The following NRXN1 variants were observed in gnomAD, a reference collection of about 807,000 sequenced individuals.
NRXN1 encodes the protein neurexin-1.
NRXN1 carries 39 observed loss-of-function variants against 150.9 expected under a neutral mutation model. The ratio of observed to expected loss-of-function variants is 0.26; its 90% CI spans 0.20 to 0.34. The LOEUF (loss-of-function observed/expected upper bound fraction) is 0.34. Ranked by LOEUF, NRXN1 falls within the 10% of genes least tolerant of loss-of-function variation. NRXN1 has a pLI of 1.00. For synonymous variants in NRXN1, 924 were observed against 757.0 expected, an observed-to-expected ratio of 1.22 and a Z score of -3.62; for missense variants, 1,815 against 1,949.9, an observed-to-expected ratio of 0.93 and a Z score of 1.30.
Position 50,260,539 on chromosome 2 carries a change from A to G in NRXN1, c.3365-23569T>C, listed in dbSNP as rs544505331. ...CTCAGAGGGAGAAAATGCAAGAGAC[A>G]CACAAAAGAACCATAATTCCTATTC... is the stretch of plus-strand genomic sequence containing the variant. On this transcript the variant is annotated intron_variant, in intron 17 of 22. Coordinates refer to ENST00000401669, the MANE Select transcript of NRXN1 (RefSeq NM_001330078.2). Among the ~76,000 whole-genome samples, 3 of 151,710 alleles carry G rather than the reference A, an allele frequency of 2.0e-5. No homozygotes were observed. The East Asian group carries it at 5.8e-4, about 29-fold the overall frequency.
At chr2:50,368,344 A>G (rs2079753443) in intron 17 of NRXN1, among the ~76,000 whole-genome samples, 1 of 152,014 alleles carries the variant, frequency 6.6e-6, no homozygotes, top group Admixed American at 6.6e-5. Context: ...ATCCTGTATG[A>G]AGAATTGAGA....
chr2:50,759,826 C>CTGTGTGTGTGTGTGTG (rs72209781), intron 5 of NRXN1, among the ~76,000 whole-genome samples: 1 of 142,312 alleles, frequency 7.0e-6, no homozygotes, highest in Non-Finnish European at 1.5e-5. Context: ...TCTAACTAAG[C>CTGTGTGTGTGTGTGTG]TGTGTGTGTG....
chr2:50,908,675 G>C (rs374878064), intron 5 of NRXN1, among the ~76,000 whole-genome samples: 4 of 152,044 alleles, frequency 2.6e-5, no homozygotes, highest in African/African-American at 9.7e-5. Flanking sequence ...AGTTGCTATG[G>C]TTTGAATGTG....
intron 18 of NRXN1, among the ~76,000 whole-genome samples, chr2:50,201,309 T>G (rs577263864): frequency 1.3e-5 from 2 of 152,282 alleles, no homozygotes; most frequent in South Asian, 4.1e-4. Context: ...GACTTGACAC[T>G]AAGACCTTAC....
chr2:50,092,861 A>G (rs1558862216), intron 18 of NRXN1, among the ~76,000 whole-genome samples: 3 of 151,946 alleles, frequency 2.0e-5, no homozygotes, highest in South Asian at 2.1e-4. Flanking sequence ...CATGCTTACA[A>G]TTTTTTTTGG....
At position 50,655,583 on chromosome 2, in the gene NRXN1, C is replaced by T. The variant is rs530214099; in HGVS notation, c.833-31968G>A. 9.8e-4 allele frequency among the ~76,000 whole-genome samples: 149 copies of T among 151,818 alleles called. 1 individual carries two copies. The highest frequency in any genetic ancestry group is 1.4e-3 in the Admixed American group (22 of 15,228). ...TCAGCGCTGTGGCTTAGTTTAAGAG[C>T]TACATCTGGCATTTTGGTAGGAACA... is the stretch of plus-strand genomic sequence containing the variant. On this transcript the variant is annotated intron_variant, in intron 5 of 22. Transcript: ENST00000401669.
intron 18 of NRXN1, among the ~76,000 whole-genome samples, chr2:50,116,206 C>A (rs935961652): frequency 6.6e-6 from 1 of 152,080 alleles, no homozygotes; most frequent in Middle Eastern, 3.4e-3. Flanking sequence ...TTATCTACAG[C>A]AATTGAAGTT....
intron 21 of NRXN1, among the ~76,000 whole-genome samples, chr2:50,027,312 T>G (rs1054179286): frequency 1.3e-5 from 2 of 148,284 alleles, no homozygotes; most frequent in Non-Finnish European, 3.0e-5. Context: ...TCCTTCTCCT[T>G]CCTTTTCTCT....
At chr2:50,010,012 C>CAA (rs1685395515) in intron 21 of NRXN1, among the ~76,000 whole-genome samples, 1 of 152,016 alleles carries the variant, frequency 6.6e-6, no homozygotes, top group African/African-American at 2.4e-5. Flanking sequence ...CTCTTTACAA[C>CAA]AATCAATCAC....
At chr2:50,740,430 T>TAA (rs1401654838) in intron 5 of NRXN1, among the ~76,000 whole-genome samples, 1 of 152,166 alleles carries the variant, frequency 6.6e-6, no homozygotes, top group Non-Finnish European at 1.5e-5. Flanking sequence ...GCGACATAAC[T>TAA]AAGGGCAAAA....
In NRXN1 at chr2:50,347,830, G is replaced by A. The variant is rs2078152878; in HGVS notation, c.3365-110860C>T. 9.1e-6 allele frequency: 9 copies of A among 985,586 alleles called. No homozygotes were observed. Among genetic ancestry groups the A allele is most frequent in the Non-Finnish European group, 1.1e-5 (9 of 830,040 alleles). 61.1% of individuals were successfully genotyped at this position (985,586 alleles called of 1,614,324 possible). On this transcript the variant is annotated intron_variant, in intron 17 of 22. Transcript: ENST00000401669. The surrounding 1 kb of genome is among the most constrained non-coding windows in gnomAD (Gnocchi z 4.9). The stretch of plus-strand genomic sequence containing the variant: ...TGCAGTCTCCAAACAGCAAATCACT[G>A]AAGCTCGGATGCAATGCAGAGGACG...
chr2:50,246,988 A>C (rs2066559997), intron 17 of NRXN1, among the ~76,000 whole-genome samples: 1 of 152,082 alleles, frequency 6.6e-6, no homozygotes, highest in African/African-American at 2.4e-5. Context: ...CCTCAAGCTA[A>C]GTCAGGACCA....
At chr2:50,613,624 A>G (rs1678547303) in intron 8 of NRXN1, among the ~76,000 whole-genome samples, 1 of 152,210 alleles carries the variant, frequency 6.6e-6, no homozygotes, top group South Asian at 2.1e-4. Flanking sequence ...TCTTGCGGGC[A>G]TTAGCAAAAT....
At chr2:50,623,186 A>G (rs1680354452) in intron 6 of NRXN1, 128 bp downstream of exon 6, 2 of 691,560 alleles carry the variant, frequency 2.9e-6, no homozygotes, top group South Asian at 2.1e-5. Flanking sequence ...TCATCTCAGA[A>G]GAAGAAAAAG....
intron 5 of NRXN1, among the ~76,000 whole-genome samples, chr2:50,760,674 A>G (rs931066801): frequency 6.7e-6 from 1 of 149,744 alleles, no homozygotes; most frequent in African/African-American, 2.5e-5. Flanking sequence ...ACCTTCACAG[A>G]AAAAAAAAAG....
chr2:50,510,536 AAAAG>A (rs1161979901), intron 12 of NRXN1, among the ~76,000 whole-genome samples: 1 of 150,888 alleles, frequency 6.6e-6, no homozygotes, highest in Non-Finnish European at 1.5e-5. Context: ...AGAAAGAAAG[AAAAG>A]AAAGACCATA....
chr2:50,199,660 G>A (rs570983592), intron 18 of NRXN1, among the ~76,000 whole-genome samples: 28 of 152,044 alleles, frequency 1.8e-4, no homozygotes, highest in Admixed American at 1.8e-3. Context: ...CTATTTTAAT[G>A]AAGGATTTGT....
intron 21 of NRXN1, chr2:50,024,248 C>A (rs765220576): frequency 1.3e-5 from 2 of 152,194 alleles, no homozygotes; most frequent in African/African-American, 4.8e-5. Flanking sequence ...ACATTAGGAA[C>A]TGAGACTGAA....
intron 21 of NRXN1, among the ~76,000 whole-genome samples, chr2:49,975,587 AT>A (rs1678820252): frequency 6.6e-6 from 1 of 152,084 alleles, no homozygotes; most frequent in African/African-American, 2.4e-5. Flanking sequence ...ATAATAAAGC[AT>A]TTTTCAAGTT....
Sources: gnomAD v4.1 joint callset for allele counts (sites outside exome capture counted in the v4.1 genomes callset) on GRCh38, gnomAD v4.1.1 for gene constraint, Gnocchi (gnomAD v3.1) non-coding constraint, MANE v1.5 for transcripts, NCBI Gene and HGNC (gene_info 2026-07-23, HGNC 2026-07-21) for gene names.